The following PCNX2 variants were observed in gnomAD, a reference collection of about 807,000 sequenced individuals.
PCNX2 encodes pecanex-like protein 2.
A neutral mutation model predicts 223.8 loss-of-function variants in PCNX2; 168 were observed. That is an observed-to-expected ratio of 0.75 (90% CI 0.66 to 0.85). The LOEUF (loss-of-function observed/expected upper bound fraction) is 0.85, where lower values mean the gene tolerates loss of function less well. Ranked by LOEUF, PCNX2 falls within the 40% of genes least tolerant of loss-of-function variation. The pLI is 0.00. For missense variants in PCNX2, 2,507 were observed against 2,675.5 expected (o/e 0.94, Z 1.39); for synonymous variants, 1,006 against 1,052.6 (o/e 0.96, Z 0.86).
intron 10 of PCNX2, among the ~76,000 whole-genome samples, chr1:233,222,946 G>C (rs1365004097): frequency 6.6e-6 from 1 of 152,142 alleles, no homozygotes; most frequent in African/African-American, 2.4e-5. Flanking sequence ...AGTCCAAGTT[G>C]GTGATATAAA....
intron 23 of PCNX2, among the ~76,000 whole-genome samples, chr1:233,061,163 T>C (rs1455172530): frequency 1.3e-5 from 2 of 152,234 alleles, no homozygotes; most frequent in South Asian, 4.1e-4. Flanking sequence ...TCTGTTCATA[T>C]AGCAAATCCA....
Position 233,130,646 on chromosome 1 carries a change from G to A in PCNX2, c.3837+4367C>T, listed in dbSNP as rs534425046. ...AGTACAGGTGCCCGCCACTGTGCCC[G>A]GCTAATTTTTGTATTTTTAGTAGAG... On this transcript the variant is annotated intron_variant, in intron 21 of 33. Coordinates refer to ENST00000258229, the MANE Select transcript of PCNX2 (RefSeq NM_014801.4). 2.0e-5 allele frequency among the ~76,000 whole-genome samples: 3 copies of A among 152,064 alleles called. No homozygotes were observed. The South Asian group carries it at 6.2e-4, about 32-fold the overall frequency.
chr1:233,250,943 T>C, intron 7 of PCNX2, 111 bp from the exon 8 acceptor site: 1 of 1,176,100 alleles, frequency 8.5e-7, no homozygotes, highest in Non-Finnish European at 1.2e-6. Context: ...TCTGTTATAA[T>C]AACTGTTGAC....
chr1:233,074,391 G>A (rs990987954), intron 23 of PCNX2, among the ~76,000 whole-genome samples: 2 of 151,928 alleles, frequency 1.3e-5, no homozygotes, highest in African/African-American at 2.4e-5. Flanking sequence ...TCAGGAGATC[G>A]AGACCATCCC....
chr1:233,097,277 G>A (rs963371025), intron 21 of PCNX2, among the ~76,000 whole-genome samples: 5 of 151,764 alleles, frequency 3.3e-5, no homozygotes, highest in African/African-American at 1.2e-4. Context: ...GAATGATAGG[G>A]AGTGTGGCAG....
chr1:233,272,031 A>G (rs1660663439), intron 1 of PCNX2, among the ~76,000 whole-genome samples: 1 of 152,184 alleles, frequency 6.6e-6, no homozygotes, highest in African/African-American at 2.4e-5. Flanking sequence ...CTGAAATCAT[A>G]AAAATCCTTG....
chr1:233,200,983 A>G (rs1163063278), intron 13 of PCNX2, among the ~76,000 whole-genome samples: 3 of 140,006 alleles, frequency 2.1e-5, no homozygotes, highest in South Asian at 2.3e-4. Context: ...CCGAGATTGC[A>G]CCACTGCACT....
At chr1:233,188,994 A>G (rs768300509) in intron 15 of PCNX2, among the ~76,000 whole-genome samples, 1 of 152,222 alleles carries the variant, frequency 6.6e-6, no homozygotes, top group African/African-American at 2.4e-5. Flanking sequence ...TGTACAAGGC[A>G]TGTATGCCAG....
At chr1:233,271,491 C>T (rs1040859812) in intron 1 of PCNX2, among the ~76,000 whole-genome samples, 5 of 152,004 alleles carry the variant, frequency 3.3e-5, no homozygotes, top group African/African-American at 4.8e-5. Context: ...TAGAAAATGA[C>T]GAGTGTCATG....
rs535198663 is a variant in PCNX2, at chr1:233,236,154, C to T, written c.2358+691G>A. ...AACCAATCTTTCTTCAGGGCCTAAC[C>T]GAAGTATTTCTTCTTCTAAGAAGCC... On this transcript the variant is annotated intron_variant, in intron 9 of 33. Coordinates refer to ENST00000258229, the MANE Select transcript of PCNX2 (RefSeq NM_014801.4). 7.9e-5 allele frequency among the ~76,000 whole-genome samples: 12 copies of T among 151,772 alleles called. No individual in the cohort carries two copies. In the South Asian group the frequency reaches 1.0e-3, roughly 13 times the overall value.
At chr1:233,079,477 G>A (rs543778140) in intron 23 of PCNX2, among the ~76,000 whole-genome samples, 42 of 146,668 alleles carry the variant, frequency 2.9e-4, no homozygotes, top group Non-Finnish European at 5.8e-4. Flanking sequence ...GCAATGAGCC[G>A]AGATCATGCC....
intron 25 of PCNX2, among the ~76,000 whole-genome samples, chr1:233,041,647 G>A (rs1229467144): frequency 6.6e-6 from 1 of 152,216 alleles, no homozygotes; most frequent in Non-Finnish European, 1.5e-5. Context: ...GAGACTGGGA[G>A]CCTGCAGCTG....
At chr1:233,321,098 A>G in the PCNX2 span, among the ~76,000 whole-genome samples, 1 of 135,868 alleles carries the variant, frequency 7.4e-6, no homozygotes, top group African/African-American at 2.8e-5. Flanking sequence ...TGCTCACTGC[A>G]AGCTCCGCCT....
the PCNX2 span, among the ~76,000 whole-genome samples, chr1:233,321,018 T>TA: frequency 4.4e-5 from 6 of 136,130 alleles, no homozygotes; most frequent in Non-Finnish European, 7.9e-5. Flanking sequence ...GTCTTCTTTT[T>TA]TTTTTTTTTT....
At chr1:232,995,944 G>A (rs1318512039) in intron 32 of PCNX2, among the ~76,000 whole-genome samples, 9 of 151,794 alleles carry the variant, frequency 5.9e-5, no homozygotes, top group African/African-American at 7.3e-5. Context: ...TGCTACCTCC[G>A]CCTCCTGGGT....
intron 10 of PCNX2, among the ~76,000 whole-genome samples, chr1:233,224,673 G>A (rs1019318449): frequency 2.6e-5 from 4 of 152,044 alleles, no homozygotes; most frequent in Non-Finnish European, 4.4e-5. Context: ...AGTATTTTGG[G>A]TTTCTTCCTC....
In PCNX2 at chr1:233,261,287, T is replaced by C; in HGVS notation, c.515A>G (p.Lys172Arg). 6.2e-7 allele frequency: 1 copy of C among 1,609,948 alleles called. No individual in the cohort carries two copies. Among genetic ancestry groups the C allele is most frequent in the African/African-American group, 1.3e-5 (1 of 74,972 alleles). ...LSAQETVEDL[K>R]GVILLEDHPI... Reference sequence around the variant, plus strand: ...AATATAAATGATTAACAGTTTACCTTTGAGATCTTCTACAGTTTCCTGTGC... The same window carrying C: ...AATATAAATGATTAACAGTTTACCTCTGAGATCTTCTACAGTTTCCTGTGC... Residue 172 changes from lysine to arginine, a missense_variant and splice_region_variant, in exon 4 of 34, where the codon AAA becomes AGA. Around this residue, in one of 3 missense-constraint regions of PCNX2, gnomAD observed 1,031 missense variants for 1,021.7 expected, o/e 1.01. Transcript: ENST00000258229.
chr1:233,210,741 T>C (rs980382967), intron 12 of PCNX2, among the ~76,000 whole-genome samples: 3 of 152,188 alleles, frequency 2.0e-5, no homozygotes, highest in Non-Finnish European at 4.4e-5. Flanking sequence ...TGAAGTCTGA[T>C]CATAATCTCT....
chr1:233,232,893 A>G (rs138947606), intron 9 of PCNX2: 2 of 984,608 alleles, frequency 2.0e-6, no homozygotes, highest in African/African-American at 3.5e-5. Context: ...TAATGCCACT[A>G]TCATAGACTT....
Sources: gnomAD v4.1 joint callset for allele counts (sites outside exome capture counted in the v4.1 genomes callset) on GRCh38, gnomAD v4.1.1 for gene constraint, gnomAD v4.1.1 regional missense constraint, MANE v1.5 for transcripts, NCBI Gene and HGNC (gene_info 2026-07-23, HGNC 2026-07-21) for gene names.